The following RPAP2 variants were observed in gnomAD, a reference collection of about 807,000 sequenced individuals.
The protein encoded by RPAP2 is putative RNA polymerase II subunit B1 CTD phosphatase RPAP2.
RPAP2 carries 52 observed loss-of-function variants against 73.1 expected under a neutral mutation model. That is an observed-to-expected ratio of 0.71 (90% CI 0.57 to 0.90). The LOEUF (loss-of-function observed/expected upper bound fraction) is 0.90, where lower values mean the gene tolerates loss of function less well. Ranked by LOEUF, RPAP2 falls within the 40% of genes least tolerant of loss-of-function variation. The probability of loss-of-function intolerance (pLI) is 0.00; values close to 1 mark genes in which losing one functional copy is unlikely to be tolerated. For synonymous variants in RPAP2, 225 were observed against 242.1 expected (o/e 0.93, Z 0.65); for missense variants, 598 against 701.8 (o/e 0.85, Z 1.67).
intron 8 of RPAP2, among the ~76,000 whole-genome samples, chr1:92,330,803 C>T (rs1365404161): frequency 2.0e-5 from 3 of 152,140 alleles, no homozygotes; most frequent in Non-Finnish European, 4.4e-5. Context: ...TTCAGAAACA[C>T]ACAAAGATAG....
At chr1:92,367,722 C>A (rs1654986444) in intron 11 of RPAP2, among the ~76,000 whole-genome samples, 1 of 152,174 alleles carries the variant, frequency 6.6e-6, no homozygotes, top group Non-Finnish European at 1.5e-5. Flanking sequence ...TTCCTCCAAC[C>A]CCAAACCATA....
rs756057893 is a variant in RPAP2 at position 92,369,471 on chromosome 1, A to G, written c.1689-11253A>G. The stretch of plus-strand genomic sequence containing the variant: ...AGGCGTGCACCTCCACACTCAACTA[A>G]TTTTTTTATTTTTAGTAGAGATGGG... On this transcript the variant is annotated intron_variant, in intron 11 of 12. Coordinates refer to ENST00000610020, the MANE Select transcript of RPAP2 (RefSeq NM_024813.3). Among the ~76,000 whole-genome samples, 3 of 152,052 alleles carry G rather than the reference A, an allele frequency of 2.0e-5. No homozygotes were observed. In the South Asian group the frequency reaches 6.2e-4, roughly 32 times the overall value.
At chr1:92,304,200 G>A in intron 4 of RPAP2, 84 bp from the exon 5 acceptor site, 2 of 1,116,156 alleles carry the variant, frequency 1.8e-6, no homozygotes, top group Non-Finnish European at 1.3e-6. Flanking sequence ...CCAATGATAT[G>A]ATATGTAGAT....
intron 11 of RPAP2, among the ~76,000 whole-genome samples, chr1:92,364,784 T>G (rs1654871747): frequency 6.6e-6 from 1 of 152,102 alleles, no homozygotes; most frequent in Non-Finnish European, 1.5e-5. Flanking sequence ...CCCAAGCAGG[T>G]CTCCTTGCCG....
At chr1:92,342,991 G>C (rs554134783) in intron 10 of RPAP2, among the ~76,000 whole-genome samples, 1 of 152,304 alleles carries the variant, frequency 6.6e-6, no homozygotes, top group Admixed American at 6.5e-5. Context: ...AGGAGGTCCA[G>C]ACTAGAGCTA....
intron 8 of RPAP2, among the ~76,000 whole-genome samples, chr1:92,329,258 A>G (rs1652821961): frequency 6.6e-6 from 1 of 152,162 alleles, no homozygotes; most frequent in Non-Finnish European, 1.5e-5. Flanking sequence ...CAGGGCCAGT[A>G]GAGAAAGACC....
intron 5 of RPAP2, among the ~76,000 whole-genome samples, chr1:92,306,828 GAAGT>G (rs1651271699): frequency 6.6e-6 from 1 of 152,062 alleles, no homozygotes; most frequent in African/African-American, 2.4e-5. Context: ...ATAAGTGAAT[GAAGT>G]AAGATAAGAA....
At chr1:92,303,871 C>T in intron 3 of RPAP2, 106 bp from the exon 4 acceptor site, 2 of 659,630 alleles carry the variant, frequency 3.0e-6, no homozygotes, top group Non-Finnish European at 5.0e-6. Flanking sequence ...GAGGAAGGTA[C>T]TATTGCTATC....
In RPAP2 at chr1:92,364,377, T is replaced by C. The variant is rs1032447124; in HGVS notation, c.1689-16347T>C. 2.6e-5 allele frequency among the ~76,000 whole-genome samples: 4 copies of C among 152,200 alleles called. No individual in the cohort carries two copies. In the South Asian group the frequency reaches 8.3e-4, roughly 32 times the overall value. On this transcript the variant is annotated intron_variant, in intron 11 of 12. Coordinates refer to ENST00000610020, the MANE Select transcript of RPAP2 (RefSeq NM_024813.3). ...ATAGTTCAAAAAATCAAGACAAATATAAGGAAGAAAAGTAGAGTTACCTAG... is the reference window on the plus strand; with the variant it reads ...ATAGTTCAAAAAATCAAGACAAATACAAGGAAGAAAAGTAGAGTTACCTAG...
At chr1:92,349,435 G>T (rs1654085926) in intron 11 of RPAP2, among the ~76,000 whole-genome samples, 1 of 152,124 alleles carries the variant, frequency 6.6e-6, no homozygotes, top group Non-Finnish European at 1.5e-5. Flanking sequence ...TTAGTATGTT[G>T]CTATAATGCC....
chr1:92,333,587 A>G (rs1653101768), intron 9 of RPAP2, 114 bp downstream of exon 9: 2 of 753,464 alleles, frequency 2.7e-6, no homozygotes, highest in Non-Finnish European at 4.4e-6. Flanking sequence ...AAATAATGTG[A>G]AAAGTTCACA....
rs966303760 is a variant in RPAP2, at chr1:92,391,795, A to C, written c.*4784A>C. ...CTAGAAAATCTAGAAGAAATGGATA[A>C]ATTCCTCGACACATACACCCTCCCA... On this transcript the variant is annotated 3_prime_UTR_variant, in exon 13 of 13. Transcript: ENST00000610020. 1 of 152,200 alleles carries C rather than the reference A, an allele frequency of 6.6e-6. No homozygotes were observed. Among genetic ancestry groups the C allele is most frequent in the African/African-American group, 2.4e-5 (1 of 41,456 alleles). The allele number at this position is 152,200 out of a possible 1,614,324, so 9.4% of individuals were successfully genotyped here.
intron 11 of RPAP2, among the ~76,000 whole-genome samples, chr1:92,377,579 T>A (rs1655441146): frequency 6.7e-6 from 1 of 150,260 alleles, no homozygotes; most frequent in Admixed American, 6.6e-5. Flanking sequence ...GGGCTTGTAG[T>A]TAGACTGGGG....
At chr1:92,348,572 C>T (rs1418587565) in intron 11 of RPAP2, among the ~76,000 whole-genome samples, 2 of 152,174 alleles carry the variant, frequency 1.3e-5, no homozygotes, top group African/African-American at 4.8e-5. Flanking sequence ...ACTTCTGTCT[C>T]CTGCCCCATA....
intron 10 of RPAP2, 145 bp from the exon 11 acceptor site, chr1:92,345,701 A>G (rs1653852975): frequency 1.0e-5 from 6 of 580,662 alleles, no homozygotes; most frequent in Non-Finnish European, 1.8e-5. Context: ...TTATTATACT[A>G]TTGACTCTTT....
At chr1:92,383,648 G>C (rs1431676958) in intron 12 of RPAP2, among the ~76,000 whole-genome samples, 4 of 152,106 alleles carry the variant, frequency 2.6e-5, no homozygotes, top group Non-Finnish European at 5.9e-5. Context: ...TTGCTTATCA[G>C]CTTGAGGAGA....
intron 9 of RPAP2, among the ~76,000 whole-genome samples, chr1:92,334,223 A>G (rs1000233490): frequency 6.6e-6 from 1 of 152,222 alleles, no homozygotes; most frequent in Admixed American, 6.5e-5. Context: ...CAAGGCATAA[A>G]GAAGAGTGAA....
intron 10 of RPAP2, among the ~76,000 whole-genome samples, chr1:92,341,348 C>T (rs186955479): frequency 1.2e-4 from 18 of 152,198 alleles, no homozygotes; most frequent in African/African-American, 4.3e-4. Flanking sequence ...TCAAATATTA[C>T]TGTTTCCCTT....
At chr1:92,386,881 T>A in intron 12 of RPAP2, 130 bp from the exon 13 acceptor site, 1 of 610,392 alleles carries the variant, frequency 1.6e-6, no homozygotes, top group Non-Finnish European at 2.6e-6. Context: ...TTTGGGTTTT[T>A]TTGTATTTTT....
Sources: allele counts gnomAD v4.1 joint callset (sites outside exome capture counted in the v4.1 genomes callset), GRCh38; gene constraint gnomAD v4.1.1; transcripts MANE v1.5; gene names NCBI Gene and HGNC (gene_info 2026-07-23, HGNC 2026-07-21).